QRFPR: variants seen among roughly 807,000 people sequenced by gnomAD.
QRFPR encodes the protein pyroglutamylated RFamide peptide receptor, also known as pyroglutamylated RF-amide peptide receptor.
Under a neutral mutation model 31.3 loss-of-function variants are expected in QRFPR, and 37 were observed. That is an observed-to-expected ratio of 1.18 (90% confidence interval 0.91 to 1.56). QRFPR has a LOEUF of 1.56. Among genes scored for constraint, QRFPR ranks in the 40% most tolerant of loss-of-function variants. The pLI, the probability that QRFPR is intolerant of heterozygous loss-of-function variation, is 0.00. For synonymous variants in QRFPR, 197 were observed against 192.0 expected (o/e 1.03, Z -0.22); for missense variants, 542 against 532.5 (o/e 1.02, Z -0.18).
chr4:121,330,645 G>C, intron 4 of QRFPR, 122 bp from the exon 5 acceptor site: 1 of 683,170 alleles, frequency 1.5e-6, no homozygotes, highest in Non-Finnish European at 2.6e-6. Flanking sequence ...TTAAGCTCAC[G>C]ATAGGTTATT....
At chr4:121,370,330 G>A in intron 1 of QRFPR, 1 of 761,998 alleles carries the variant, frequency 1.3e-6, no homozygotes, top group Non-Finnish European at 2.4e-6. Flanking sequence ...GGCACTTCTG[G>A]TTGTCTTGAA....
Position 121,329,807 on chromosome 4 carries a change from C to G in QRFPR, c.896-93G>C, listed in dbSNP as rs906648239. ...CACCTGTCAAAGACTTAAACTTGTA[C>G]AAGTATCTGAAGGTGTGAAAAGTTC... On this transcript the variant is annotated intron_variant, in intron 5 of 5. Transcript: ENST00000394427. 3.4e-5 allele frequency: 32 copies of G among 949,734 alleles called. No homozygotes were observed. In the East Asian group the frequency reaches 8.5e-4, roughly 25 times the overall value. The allele number at this position is 949,734 out of a possible 1,614,324, so 58.8% of individuals were successfully genotyped here.
At chr4:121,343,916 G>C (rs555873517) in intron 1 of QRFPR, among the ~76,000 whole-genome samples, 81 of 152,176 alleles carry the variant, frequency 5.3e-4, no homozygotes, top group Non-Finnish European at 8.7e-4. Context: ...CTCTGATTCT[G>C]CTTTATCTGA....
intron 1 of QRFPR, among the ~76,000 whole-genome samples, chr4:121,358,915 A>G (rs570746941): frequency 2.4e-4 from 37 of 152,306 alleles, no homozygotes; most frequent in South Asian, 6.2e-4. Context: ...TGACAACACT[A>G]AAAGATAGGT....
intron 1 of QRFPR, among the ~76,000 whole-genome samples, chr4:121,365,531 T>TA (rs1334985407): frequency 0.1 from 632 of 6,198 alleles, 95 homozygotes; most frequent in African/African-American, 0.36. Context: ...ATATATTATA[T>TA]ATAATATATA....
chr4:121,364,526 G>T (rs1031306866), intron 1 of QRFPR, among the ~76,000 whole-genome samples: 1 of 149,126 alleles, frequency 6.7e-6, no homozygotes, highest in African/African-American at 2.5e-5. Flanking sequence ...TATAGTCCCA[G>T]CTACTCTGGA....
intron 3 of QRFPR, among the ~76,000 whole-genome samples, chr4:121,333,834 A>G (rs908257087): frequency 6.6e-6 from 1 of 152,152 alleles, no homozygotes; most frequent in Non-Finnish European, 1.5e-5. Context: ...AAACGAGAAT[A>G]TTTATCAAAA....
At chr4:121,351,585 G>A (rs1400806367) in intron 1 of QRFPR, among the ~76,000 whole-genome samples, 1 of 151,968 alleles carries the variant, frequency 6.6e-6, no homozygotes, top group African/African-American at 2.4e-5. Flanking sequence ...CAGAAATAAT[G>A]GGGTTTCATT....
rs1726477080 is a variant in QRFPR at position 121,380,718 on chromosome 4, G to C, written c.-71C>G. 1.4e-6 allele frequency: 2 copies of C among 1,385,214 alleles called. No individual in the cohort carries two copies. The highest frequency in any genetic ancestry group is 5.5e-5 in the Admixed American group (2 of 36,392). The allele number at this position is 1,385,214 out of a possible 1,614,324, so 85.8% of individuals were successfully genotyped here. ...GCCATCCGCATCTGCGGGGCAGCGA[G>C]GGCTTCGGGGGACCAGCCGGAGGCC... is the stretch of plus-strand genomic sequence containing the variant. On this transcript the variant is annotated 5_prime_UTR_variant, in exon 1 of 6. Coordinates refer to ENST00000394427, the MANE Select transcript of QRFPR (RefSeq NM_198179.3).
intron 2 of QRFPR, among the ~76,000 whole-genome samples, chr4:121,338,573 ATTC>A (rs1344265954): frequency 2.0e-5 from 3 of 152,222 alleles, no homozygotes; most frequent in African/African-American, 7.2e-5. Flanking sequence ...GCCCAAGGCA[ATTC>A]TTCTTCTTCC....
intron 1 of QRFPR, among the ~76,000 whole-genome samples, chr4:121,353,998 T>C (rs1725815536): frequency 6.6e-6 from 1 of 152,132 alleles, no homozygotes; most frequent in African/African-American, 2.4e-5. Context: ...TTGGTACCTT[T>C]GTCAAAAATA....
At chr4:121,379,799 T>C (rs937401122) in intron 1 of QRFPR, among the ~76,000 whole-genome samples, 6 of 152,212 alleles carry the variant, frequency 3.9e-5, no homozygotes, top group African/African-American at 9.6e-5. Flanking sequence ...TACAAGAAGC[T>C]GTCTGCAAGC....
At chr4:121,356,687 G>A (rs575035115) in intron 1 of QRFPR, among the ~76,000 whole-genome samples, 1 of 152,248 alleles carries the variant, frequency 6.6e-6, no homozygotes, top group South Asian at 2.1e-4. Flanking sequence ...ACTTGGGTAA[G>A]ATAAGGAAGA....
chr4:121,365,539 ATAT>A (rs1339979263), intron 1 of QRFPR, among the ~76,000 whole-genome samples: 14,507 of 25,540 alleles, frequency 0.57, 3,896 homozygotes, highest in South Asian at 0.65. Flanking sequence ...TATATAATAT[ATAT>A]TATATATAAT....
chr4:121,369,863 A>C (rs749238756), intron 1 of QRFPR: 104 of 853,468 alleles, frequency 1.2e-4, no homozygotes, highest in Non-Finnish European at 2.0e-4. Flanking sequence ...TTCTTTTGTT[A>C]TCTCTCCACT....
intron 1 of QRFPR, among the ~76,000 whole-genome samples, chr4:121,378,683 A>G (rs558418787): frequency 1.1e-3 from 161 of 152,204 alleles, no homozygotes; most frequent in African/African-American, 3.7e-3. Context: ...TCGGCCTCCC[A>G]AAGTGTTGGG....
intron 1 of QRFPR, among the ~76,000 whole-genome samples, chr4:121,353,549 A>T (rs1725804063): frequency 6.6e-6 from 1 of 151,938 alleles, no homozygotes; most frequent in African/African-American, 2.4e-5. Flanking sequence ...TCTTTTGCCC[A>T]TTTTAAATCA....
At chr4:121,365,549 TAA>T (rs1560743669) in intron 1 of QRFPR, among the ~76,000 whole-genome samples, 335 of 9,084 alleles carry the variant, frequency 0.037, 37 homozygotes, top group Middle Eastern at 0.071. Flanking sequence ...ATATTATATA[TAA>T]TATATAATAT....
chr4:121,380,725 G>A lies in QRFPR; in HGVS notation c.-78C>T, dbSNP rs1051002414. On this transcript the variant is annotated 5_prime_UTR_variant, in exon 1 of 6. Transcript: ENST00000394427. ...GCATCTGCGGGGCAGCGAGGGCTTC[G>A]GGGGACCAGCCGGAGGCCGCCTCCC... is the stretch of plus-strand genomic sequence containing the variant. 7.4e-6 allele frequency: 10 copies of A among 1,353,690 alleles called. No homozygotes were observed. In the Admixed American group the frequency reaches 1.4e-4, roughly 19 times the overall value. The allele number at this position is 1,353,690 out of a possible 1,614,324, so 83.9% of individuals were successfully genotyped here. A position where few individuals can be genotyped will look rare whatever the true frequency, so the allele number is the denominator to read the frequency against.
Sources: allele counts gnomAD v4.1 joint callset (sites outside exome capture counted in the v4.1 genomes callset), GRCh38; gene constraint gnomAD v4.1.1; transcripts MANE v1.5; gene names NCBI Gene and HGNC (gene_info 2026-07-23, HGNC 2026-07-21).